Variants in MAP2K3 observed in about 807,000 individuals in gnomAD.
The protein encoded by MAP2K3 is mitogen-activated protein kinase kinase 3.
MAP2K3 carries 30 observed loss-of-function variants against 46.4 expected under a neutral mutation model. The observed-to-expected ratio is 0.65, with a 90% CI of 0.48 to 0.88. The LOEUF (loss-of-function observed/expected upper bound fraction) is 0.88. MAP2K3 is among the 40% of genes least tolerant of loss of function. The pLI is 0.00. For synonymous variants in MAP2K3, 189 were observed against 176.3 expected, an observed-to-expected ratio of 1.07 and a Z score of -0.57; for missense variants, 380 against 464.5, an observed-to-expected ratio of 0.82 and a Z score of 1.67.
intron 3 of MAP2K3, 28 bp from the exon 4 acceptor site, chr17:21,300,517 C>A: frequency 6.3e-7 from 1 of 1,585,174 alleles, no homozygotes; most frequent in Non-Finnish European, 8.6e-7. Flanking sequence ...AGCTTGCTGG[C>A]CACTGACTCT....
intron 1 of MAP2K3, among the ~76,000 whole-genome samples, chr17:21,294,795 G>T (rs1457856750): frequency 6.6e-6 from 1 of 152,306 alleles, no homozygotes; most frequent in Non-Finnish European, 1.5e-5. Flanking sequence ...ATGGCATGAC[G>T]CTGATAACCC....
intron 1 of MAP2K3, chr17:21,296,265 AG>A (rs891251138): frequency 5.3e-6 from 6 of 1,124,150 alleles, no homozygotes; most frequent in Non-Finnish European, 6.0e-6. Context: ...CAAGGTGCAG[AG>A]GAGGGCACCA....
intron 10 of MAP2K3, 132 bp from the exon 11 acceptor site, chr17:21,313,360 C>G: frequency 2.9e-6 from 2 of 698,230 alleles, no homozygotes; most frequent in Non-Finnish European, 5.1e-6. Context: ...CTAGACAGTC[C>G]TGTCCCTTCT....
At position 21,314,328 on chromosome 17, in the gene MAP2K3, C is replaced by T; in HGVS notation, c.*98C>T. The stretch of plus-strand genomic sequence containing the variant: ...CACCATAAGCTACTGCCATCCTGGC[C>T]CAGGGCATCTGGGAGGAACCGAGGG... On this transcript the variant is annotated 3_prime_UTR_variant, in exon 12 of 12. Coordinates refer to ENST00000342679, the MANE Select transcript of MAP2K3 (RefSeq NM_145109.3). 8.8e-7 allele frequency: 1 copy of T among 1,130,976 alleles called. No homozygotes were observed. The highest frequency in any genetic ancestry group is 1.3e-6 in the Non-Finnish European group (1 of 753,738). 70.1% of individuals were successfully genotyped at this position (1,130,976 alleles called of 1,614,324 possible). A position where few individuals can be genotyped will look rare whatever the true frequency, so the allele number is the denominator to read the frequency against.
Position 21,298,443 on chromosome 17 carries a change from T to C in MAP2K3, c.80T>C (p.Ile27Thr), listed in dbSNP as rs768450668. The C allele has an allele frequency of 6.2e-7, 1 of 1,614,310 alleles. No homozygotes were observed. The highest frequency in any genetic ancestry group is 1.7e-5 in the Admixed American group (1 of 60,038). Residue 27 changes from isoleucine (I) to threonine (T), a missense_variant, in exon 2 of 12, where the codon ATA becomes ACA. Physicochemically the swap from Ile to Thr is moderately conservative, Grantham distance 89. Transcript: ENST00000342679. ...GKSKRKKDLR[I>T]SCMSKPPAPN... ...TCCAAGAGGAAGAAGGATCTACGGATATCCTGCATGTCCAAGCCACCCGCA... is the reference window on the plus strand; with the variant it reads ...TCCAAGAGGAAGAAGGATCTACGGACATCCTGCATGTCCAAGCCACCCGCA...
chr17:21,302,130 G>C lies in MAP2K3; in HGVS notation c.400-13G>C, dbSNP rs758079640. ...GCCCGGCAGCCTGGCTGAGCTCTGGGTGTCACCCACAGGGAGACGTGTGGA... is the reference window on the plus strand; with the variant it reads ...GCCCGGCAGCCTGGCTGAGCTCTGGCTGTCACCCACAGGGAGACGTGTGGA... On this transcript the variant is annotated splice_polypyrimidine_tract_variant and intron_variant, in intron 5 of 11. Coordinates refer to ENST00000342679, the MANE Select transcript of MAP2K3 (RefSeq NM_145109.3). 28 of 1,613,862 alleles carry C rather than the reference G, an allele frequency of 1.7e-5. No individual in the cohort carries two copies. The African/African-American group carries it at 3.5e-4, about 20-fold the overall frequency.
At position 21,302,277 on chromosome 17, in the gene MAP2K3, G is replaced by A. The variant is rs1417209506; in HGVS notation, c.516+18G>A. ...CTGTGTCTGTGAGTGGCCTGGGTGG[G>A]CTGGCGGGGGGTCCTAGGTGCATAG... On this transcript the variant is annotated intron_variant, in intron 6 of 11. Coordinates refer to ENST00000342679, the MANE Select transcript of MAP2K3 (RefSeq NM_145109.3). 8 of 1,610,894 alleles carry A rather than the reference G, an allele frequency of 5.0e-6. No individual in the cohort carries two copies. The highest frequency in any genetic ancestry group is 1.7e-4 in the Middle Eastern group (1 of 6,060).
intron 7 of MAP2K3, 123 bp downstream of exon 7, chr17:21,303,357 AT>A: frequency 7.3e-7 from 1 of 1,369,866 alleles, no homozygotes; most frequent in Non-Finnish European, 1.0e-6. Context: ...GACGTGCCCG[AT>A]GGGGTTCCAG....
At chr17:21,296,411 T>A (rs1207926084) in intron 1 of MAP2K3, among the ~76,000 whole-genome samples, 1 of 152,310 alleles carries the variant, frequency 6.6e-6, no homozygotes, top group Non-Finnish European at 1.5e-5. Flanking sequence ...CCATGGTTTT[T>A]CCTGTTAGAA....
chr17:21,288,364 A>T (rs953134633), intron 1 of MAP2K3, among the ~76,000 whole-genome samples: 9 of 152,204 alleles, frequency 5.9e-5, no homozygotes, highest in African/African-American at 2.2e-4. Context: ...GAGCAGGAGC[A>T]GGTGGCAGTG....
intron 9 of MAP2K3, among the ~76,000 whole-genome samples, chr17:21,305,849 T>A (rs1203346966): frequency 6.6e-6 from 1 of 152,302 alleles, no homozygotes; most frequent in Non-Finnish European, 1.5e-5. Flanking sequence ...CATCAGCAGG[T>A]CGGGCTCAGG....
chr17:21,297,664 T>C (rs190136514), intron 1 of MAP2K3, among the ~76,000 whole-genome samples: 72 of 152,356 alleles, frequency 4.7e-4, no homozygotes, highest in African/African-American at 1.5e-3. Context: ...CCTCCGTTAG[T>C]ACCAGCTGAG....
At chr17:21,289,332 G>T (rs1160690150) in intron 1 of MAP2K3, among the ~76,000 whole-genome samples, 1 of 152,178 alleles carries the variant, frequency 6.6e-6, no homozygotes, top group Non-Finnish European at 1.5e-5. Flanking sequence ...ACGAATATGG[G>T]GAAGGTGGGG....
At chr17:21,313,178 A>T (rs544555907) in intron 10 of MAP2K3, among the ~76,000 whole-genome samples, 31 of 152,296 alleles carry the variant, frequency 2.0e-4, no homozygotes, top group African/African-American at 6.5e-4. Flanking sequence ...CTCCTGATTG[A>T]GGATACCAAG....
intron 9 of MAP2K3, among the ~76,000 whole-genome samples, chr17:21,309,957 G>T (rs925086228): frequency 2.6e-4 from 40 of 151,310 alleles, no homozygotes; most frequent in Non-Finnish European, 5.6e-4. Context: ...AGCATTACAT[G>T]TTGTTCATAT....
intron 1 of MAP2K3, among the ~76,000 whole-genome samples, chr17:21,294,847 G>T: frequency 6.6e-6 from 1 of 152,312 alleles, no homozygotes; most frequent in East Asian, 1.9e-4. Flanking sequence ...TATGTCCAGA[G>T]AGGTGAAGCC....
At chr17:21,298,362 G>C (rs756550999) in intron 1 of MAP2K3, 51 bp from the exon 2 acceptor site, 2 of 1,612,154 alleles carry the variant, frequency 1.2e-6, no homozygotes, top group Admixed American at 3.3e-5. Context: ...GAGTGCAGGG[G>C]ACATTGATGT....
Position 21,296,142 on chromosome 17 carries a change from G to A in MAP2K3, c.50-2271G>A, listed in dbSNP as rs373941871. 74 of 1,289,530 alleles carry A rather than the reference G, an allele frequency of 5.7e-5. No homozygotes were observed. The East Asian group carries it at 7.8e-4, about 14-fold the overall frequency. The allele number at this position is 1,289,530 out of a possible 1,614,324, so 79.9% of individuals were successfully genotyped here. ...TGGGCCACAACAGGTCCCCATCTGC[G>A]CAGTGAACCCTGTGCTGAGCACCTT... On this transcript the variant is annotated intron_variant, in intron 1 of 11. Coordinates refer to ENST00000342679, the MANE Select transcript of MAP2K3 (RefSeq NM_145109.3).
intron 6 of MAP2K3, among the ~76,000 whole-genome samples, chr17:21,302,951 G>A (rs1252298646): frequency 6.6e-6 from 1 of 152,306 alleles, no homozygotes; most frequent in African/African-American, 2.4e-5. Flanking sequence ...CCTGGGAGGT[G>A]AGCCCGGGAG....
Sources: allele counts gnomAD v4.1 joint callset (sites outside exome capture counted in the v4.1 genomes callset), GRCh38; gene constraint gnomAD v4.1.1; transcripts MANE v1.5; gene names NCBI Gene and HGNC (gene_info 2026-07-23, HGNC 2026-07-21).